ELMO1: variants seen among roughly 807,000 people sequenced by gnomAD.
The protein encoded by ELMO1 is engulfment and cell motility protein 1.
Under a neutral mutation model 98.9 loss-of-function variants are expected in ELMO1, and 26 were observed. That is an observed-to-expected ratio of 0.26 (90% confidence interval 0.19 to 0.36). The LOEUF is 0.36. Among genes scored for constraint, ELMO1 ranks in the 10% least tolerant of loss-of-function variants. The pLI, the probability that ELMO1 is intolerant of heterozygous loss-of-function variation, is 1.00. For synonymous variants in ELMO1, 346 were observed against 346.0 expected (o/e 1.00, Z 0.00); for missense variants, 627 against 935.2 (o/e 0.67, Z 4.30).
intron 15 of ELMO1, among the ~76,000 whole-genome samples, chr7:37,072,116 G>A (rs1290121443): frequency 1.3e-5 from 2 of 151,918 alleles, no homozygotes; most frequent in African/African-American, 2.4e-5. Context: ...ATAGGCTTTC[G>A]GCAATTCAAA....
At chr7:37,063,737 C>T (rs73121124) in intron 15 of ELMO1, among the ~76,000 whole-genome samples, 15,860 of 152,146 alleles carry the variant, frequency 0.1, 956 homozygotes, top group Middle Eastern at 0.2. Context: ...CGCAGTCACC[C>T]TTGAGCTGAG....
chr7:37,209,518 C>A (rs1438663591), intron 13 of ELMO1, among the ~76,000 whole-genome samples: 17 of 152,182 alleles, frequency 1.1e-4, no homozygotes, highest in Admixed American at 1.1e-3. Context: ...TAGAACCAGG[C>A]TCTCCCTCAG....
chr7:37,375,931 G>A (rs2131370783), intron 1 of ELMO1: 6 of 638,042 alleles, frequency 9.4e-6, no homozygotes, highest in Middle Eastern at 4.3e-4. Context: ...GCCTCCTGGT[G>A]CCAACAAGAA....
chr7:37,181,186 G>C (rs1463243940), intron 13 of ELMO1, among the ~76,000 whole-genome samples: 1 of 152,200 alleles, frequency 6.6e-6, no homozygotes, highest in Non-Finnish European at 1.5e-5. Flanking sequence ...ATGGGGACAA[G>C]TGAGAGGCAT....
At chr7:36,942,240 T>C (rs949062419) in intron 16 of ELMO1, among the ~76,000 whole-genome samples, 1 of 152,164 alleles carries the variant, frequency 6.6e-6, no homozygotes, top group African/African-American at 2.4e-5. Context: ...TAAAGGCCAC[T>C]GGGAGGCACC....
At chr7:37,207,148 G>A (rs1382639393) in intron 13 of ELMO1, among the ~76,000 whole-genome samples, 2 of 152,184 alleles carry the variant, frequency 1.3e-5, no homozygotes, top group Admixed American at 1.3e-4. Flanking sequence ...GGACAACTTT[G>A]TATACAGCAT....
intron 16 of ELMO1, among the ~76,000 whole-genome samples, chr7:36,957,276 G>A (rs942896878): frequency 5.2e-5 from 7 of 133,824 alleles, no homozygotes; most frequent in Admixed American, 2.1e-4. Context: ...TGACAGGATT[G>A]AGGCAAAGCC....
At chr7:37,230,803 G>T (rs1794130493) in intron 8 of ELMO1, among the ~76,000 whole-genome samples, 1 of 152,122 alleles carries the variant, frequency 6.6e-6, no homozygotes, top group Non-Finnish European at 1.5e-5. Flanking sequence ...CTTCAGATTT[G>T]GAATTGCTTC....
At chr7:37,432,297 A>G (rs1804963107) in intron 1 of ELMO1, among the ~76,000 whole-genome samples, 1 of 152,226 alleles carries the variant, frequency 6.6e-6, no homozygotes, top group Non-Finnish European at 1.5e-5. Flanking sequence ...TATGCTCAGC[A>G]ACTGCCAAGT....
At chr7:37,080,707 T>C (rs1045077781) in intron 15 of ELMO1, among the ~76,000 whole-genome samples, 3 of 150,510 alleles carry the variant, frequency 2.0e-5, no homozygotes, top group Non-Finnish European at 3.0e-5. Context: ...TTCCTCACCT[T>C]CTCAAAGTGC....
At chr7:37,203,163 C>T (rs912554653) in intron 13 of ELMO1, among the ~76,000 whole-genome samples, 22 of 152,162 alleles carry the variant, frequency 1.4e-4, no homozygotes, top group Non-Finnish European at 3.2e-4. Flanking sequence ...GACACATTCT[C>T]GAAAACCTGG....
chr7:36,989,477 A>C (rs748908058), intron 16 of ELMO1, among the ~76,000 whole-genome samples: 1 of 152,214 alleles, frequency 6.6e-6, no homozygotes. Flanking sequence ...CGCACACCAC[A>C]GTTTAGGAAC....
At chr7:37,094,907 A>G (rs1047479355) in intron 15 of ELMO1, among the ~76,000 whole-genome samples, 1 of 152,168 alleles carries the variant, frequency 6.6e-6, no homozygotes, top group Non-Finnish European at 1.5e-5. Context: ...CTCTATTCCC[A>G]GCAATCTCTA....
intron 4 of ELMO1, 94 bp downstream of exon 4, chr7:37,314,756 T>C: frequency 8.5e-7 from 1 of 1,174,790 alleles, no homozygotes; most frequent in Non-Finnish European, 1.2e-6. Flanking sequence ...ACCTAAAATT[T>C]AGACCTGCAT....
Position 36,855,723 on chromosome 7 carries a change from G to A in ELMO1, c.2012C>T (p.Ala671Val), listed in dbSNP as rs757295660. The A allele has an allele frequency of 1.7e-5, 27 of 1,613,990 alleles. No individual in the cohort carries two copies. The highest frequency in any genetic ancestry group is 4.5e-5 in the East Asian group (2 of 44,870). The change falls in exon 22 of 22, where the codon GCG becomes GTG. Residue 671 changes from alanine (A) to valine (V), a missense_variant. By Grantham distance (64) the Ala-to-Val change is moderately conservative. Transcript: ENST00000310758. The surrounding 1 kb of genome is among the most constrained non-coding windows in gnomAD (Gnocchi z 4.2). The part of the protein sequence containing the change: ...EYCIWTDGLN[A>V]LLGKDMMSDL... ...GCTCATCATGTCCTTCCCGAGTAGC[G>A]CATTCAGTCCATCCGTCCAGATACA...
chr7:37,431,884 G>T (rs1804945722), intron 1 of ELMO1, among the ~76,000 whole-genome samples: 1 of 151,908 alleles, frequency 6.6e-6, no homozygotes, highest in Non-Finnish European at 1.5e-5. Flanking sequence ...TTGTTTGTTT[G>T]TTTGTTTGTT....
chr7:37,404,656 G>A (rs17171025), intron 1 of ELMO1, among the ~76,000 whole-genome samples: 36,805 of 152,034 alleles, frequency 0.24, 4,674 homozygotes, highest in East Asian at 0.41. Context: ...TCAGTGTTGA[G>A]ATGTTCCTCC....
rs116441657 is a variant in ELMO1, at chr7:37,402,033, G to A, written c.-74+46642C>T. Among the ~76,000 whole-genome samples the A allele has an allele frequency of 8.2e-3, 1,245 of 152,228 alleles. 11 individuals are homozygous for A. Among genetic ancestry groups the A allele is most frequent in the African/African-American group, 0.025 (1,027 of 41,534 alleles). On this transcript the variant is annotated intron_variant, in intron 1 of 21. Transcript: ENST00000310758. ...AGCATAAAAATACACAGGTTTACCC[G>A]CTTCTTCAGGTCTTTCGTTCCCTAT...
intron 15 of ELMO1, among the ~76,000 whole-genome samples, chr7:37,049,383 G>A (rs1795977724): frequency 6.6e-6 from 1 of 152,154 alleles, no homozygotes; most frequent in African/African-American, 2.4e-5. Flanking sequence ...TCTGCTTGGT[G>A]ACCCTTCGAA....
Sources: gnomAD v4.1 joint callset for allele counts (sites outside exome capture counted in the v4.1 genomes callset) on GRCh38, gnomAD v4.1.1 for gene constraint, Gnocchi (gnomAD v3.1) non-coding constraint, MANE v1.5 for transcripts, NCBI Gene and HGNC (gene_info 2026-07-23, HGNC 2026-07-21) for gene names.